The following CSF3R variants were observed in gnomAD, a reference collection of about 807,000 sequenced individuals.
The protein encoded by CSF3R is granulocyte colony-stimulating factor receptor.
In CSF3R, 52 loss-of-function variants were observed where a neutral mutation model predicts 84.4. The ratio of observed to expected loss-of-function variants is 0.62; its 90% CI spans 0.49 to 0.78. The LOEUF is 0.78. CSF3R is among the 30% of genes least tolerant of loss of function. The pLI is 0.00. For synonymous variants in CSF3R, 384 were observed against 429.1 expected (o/e 0.89, Z 1.30); for missense variants, 890 against 1,055.7 (o/e 0.84, Z 2.17).
In CSF3R at chr1:36,466,681, G is replaced by A. The variant is rs763256285; in HGVS notation, c.2187C>T (p.Leu729=). 6.2e-6 allele frequency: 10 copies of A among 1,614,086 alleles called. No individual in the cohort carries two copies. Among genetic ancestry groups the A allele is most frequent in the Non-Finnish European group, 7.6e-6 (9 of 1,180,032 alleles). The change falls in exon 17 of 17, where the codon CTC becomes CTT. Residue 729 remains leucine, a synonymous_variant. Coordinates refer to ENST00000373106, the MANE Select transcript of CSF3R (RefSeq NM_000760.4). The surrounding 1 kb of genome is among the most constrained non-coding windows in gnomAD (Gnocchi z 4.6). The part of the protein sequence containing the change: ...GLPTLVQTYV[L]QGDPRAVSTQ... ...TGGAAACTGCTCTTGGGTCCCCCTG[G>A]AGCACATAGGTCTGGACCAGAGTGG...
Position 36,467,491 on chromosome 1 carries a change from C to A in CSF3R, c.1958+67G>T. The A allele has an allele frequency of 6.6e-7, 1 of 1,518,118 alleles. No individual in the cohort carries two copies. The highest frequency in any genetic ancestry group is 9.1e-7 in the Non-Finnish European group (1 of 1,095,564). 94.0% of individuals were successfully genotyped at this position (1,518,118 alleles called of 1,614,324 possible). A position where few individuals can be genotyped will look rare whatever the true frequency, so the allele number is the denominator to read the frequency against. On this transcript the variant is annotated intron_variant, in intron 15 of 16. Transcript: ENST00000373106. The surrounding 1 kb of genome is among the most constrained non-coding windows in gnomAD (Gnocchi z 4.1). The stretch of plus-strand genomic sequence containing the variant: ...GAAGGCTGGAAGGGACTTAGATGGG[C>A]CCATCTGGACCTGAGGTTCCCTGTG...
chr1:36,469,354 C>T, intron 11 of CSF3R, 97 bp from the exon 12 acceptor site: 1 of 972,066 alleles, frequency 1.0e-6, no homozygotes, highest in South Asian at 1.3e-5. Flanking sequence ...CTAACCTGGC[C>T]TCATGATTCA....
rs773649621 is a variant in CSF3R at position 36,473,761 on chromosome 1, C to A, written c.485+3G>T. On this transcript the variant is annotated splice_donor_region_variant and intron_variant, in intron 5 of 16. Coordinates refer to ENST00000373106, the MANE Select transcript of CSF3R (RefSeq NM_000760.4). ...GGGGACCAAGGTGGGGGCCCCTCCT[C>A]ACTTGAAACTCTTCAGAGTGAAGCT... 3 of 1,614,130 alleles carry A rather than the reference C, an allele frequency of 1.9e-6. No individual in the cohort carries two copies. Among genetic ancestry groups the A allele is most frequent in the Non-Finnish European group, 2.5e-6 (3 of 1,180,046 alleles).
chr1:36,479,402 C>G (rs1651379379), intron 3 of CSF3R, 31 bp downstream of exon 3: 2 of 1,608,932 alleles, frequency 1.2e-6, no homozygotes, highest in South Asian at 2.2e-5. Flanking sequence ...CTTCCCCTCC[C>G]CACTGCACCC....
At chr1:36,480,112 C>T (rs3917922) in intron 2 of CSF3R, 5,826 of 179,138 alleles carry the variant, frequency 0.033, 212 homozygotes, top group African/African-American at 0.097. Flanking sequence ...AAAGATTTAC[C>T]CACTGACTCC....
At chr1:36,478,795 G>T (rs562967372) in intron 3 of CSF3R, 184 of 175,944 alleles carry the variant, frequency 1.0e-3, no homozygotes, top group Non-Finnish European at 1.9e-3. Context: ...AGGCTGCAGT[G>T]AGCTGCGATT....
rs1346703696 is a variant in CSF3R, at chr1:36,472,170, G to A, written c.998-31C>T. ...GATGGAACAAGAAGAGGGGGTGCCA[G>A]TTGGGGAGGGGCCTGGGGCCTGGAC... On this transcript the variant is annotated intron_variant, in intron 8 of 16. Coordinates refer to ENST00000373106, the MANE Select transcript of CSF3R (RefSeq NM_000760.4). The surrounding 1 kb of genome is among the most constrained non-coding windows in gnomAD (Gnocchi z 5.0). 6.2e-7 allele frequency: 1 copy of A among 1,613,928 alleles called. No individual in the cohort carries two copies. The highest frequency in any genetic ancestry group is 1.3e-5 in the African/African-American group (1 of 74,918).
At chr1:36,468,893 T>C (rs1650520790) in intron 12 of CSF3R, 1 of 480,966 alleles carries the variant, frequency 2.1e-6, no homozygotes. Context: ...TATAACACCT[T>C]ATTTTTGTCT....
rs753846685 is a variant in CSF3R, at chr1:36,473,752, GCC to G, written c.485+10_485+11del. 1.9e-6 allele frequency: 3 copies of G among 1,614,226 alleles called. No individual in the cohort carries two copies. The African/African-American group carries it at 4.0e-5, about 22-fold the overall frequency. On this transcript the variant is annotated intron_variant, in intron 5 of 16. Transcript: ENST00000373106. Reference sequence around the variant, plus strand: ...CCAAAGGGAGGGGACCAAGGTGGGGGCCCCTCCTCACTTGAAACTCTTCAGAG... The same window carrying G: ...CCAAAGGGAGGGGACCAAGGTGGGGGCCTCCTCACTTGAAACTCTTCAGAG...
At chr1:36,479,551 T>C (rs113739875) in intron 2 of CSF3R, 35 bp from the exon 3 acceptor site, 1 of 1,507,354 alleles carries the variant, frequency 6.6e-7, no homozygotes, top group South Asian at 1.1e-5. Context: ...ACCATGGGCT[T>C]TGGAGTCAGA....
chr1:36,473,175 C>A, intron 6 of CSF3R: 1 of 554,432 alleles, frequency 1.8e-6, no homozygotes, highest in Non-Finnish European at 3.2e-6. Context: ...CAGTGCCTAA[C>A]ATGTAGTGGG....
rs1398924442 is a variant in CSF3R at position 36,475,204 on chromosome 1, G to A, written c.361+173C>T. On this transcript the variant is annotated intron_variant, in intron 4 of 16. Coordinates refer to ENST00000373106, the MANE Select transcript of CSF3R (RefSeq NM_000760.4). ...GTATTTTTAGTAGAGGCGGGGTTTC[G>A]CCTTGCTGGCCAGGCTGATCATGAA... 1.3e-5 allele frequency among the ~76,000 whole-genome samples: 2 copies of A among 151,922 alleles called. No individual in the cohort carries two copies. The highest frequency in any genetic ancestry group is 4.8e-5 in the African/African-American group (2 of 41,342).
Position 36,466,461 on chromosome 1 carries a change from G to A in CSF3R, c.2407C>T (p.Pro803Ser), listed in dbSNP as rs35622214. The A allele has an allele frequency of 2.8e-4, 450 of 1,612,292 alleles. 3 individuals carry two copies. The African/African-American group carries it at 5.4e-3, about 19-fold the overall frequency. The change falls in exon 17 of 17, where the codon CCA becomes TCA. Residue 803 changes from proline (P) to serine (S), a missense_variant. Physicochemically the swap from Pro to Ser is moderately conservative, Grantham distance 74. Transcript: ENST00000373106. This position sits in a 1 kb window ranked among gnomAD's most constrained non-coding sequence, Gnocchi z 4.6. The stretch of plus-strand genomic sequence containing the variant: ...CAGTCGTCCTCCTGGCTTGGGGCTG[G>A]GGTTACCAGGGTCCCCAAGGGGCTG... ...QASPLGTLVT[P>S]APSQEDDCVF...
At chr1:36,474,017 TC>T in intron 4 of CSF3R, 130 bp from the exon 5 acceptor site, 1 of 1,406,148 alleles carries the variant, frequency 7.1e-7, no homozygotes, top group Non-Finnish European at 1.0e-6. Context: ...TCCCCCTGTC[TC>T]CAGGCAGAGT....
rs1557587319 is a variant in CSF3R at position 36,467,672 on chromosome 1, G to A, written c.1865-21C>T. The A allele has an allele frequency of 6.2e-7, 1 of 1,613,766 alleles. No homozygotes were observed. Among genetic ancestry groups the A allele is most frequent in the South Asian group, 1.1e-5 (1 of 91,066 alleles). On this transcript the variant is annotated intron_variant, in intron 14 of 16. Coordinates refer to ENST00000373106, the MANE Select transcript of CSF3R (RefSeq NM_000760.4). The surrounding 1 kb of genome is among the most constrained non-coding windows in gnomAD (Gnocchi z 4.1). ...CCCCTCTGCAGTGAGGGCAGGGCCG[G>A]AAGAAGTTAGAATGCATGTTGGGAA...
chr1:36,475,768 C>G (rs983837306), intron 3 of CSF3R, 95 bp from the exon 4 acceptor site: 13 of 1,249,584 alleles, frequency 1.0e-5, no homozygotes, highest in African/African-American at 1.5e-5. Flanking sequence ...AGAGGCCTCA[C>G]CTTCCTGTCT....
chr1:36,479,624 C>G, intron 2 of CSF3R, 108 bp from the exon 3 acceptor site: 1 of 853,280 alleles, frequency 1.2e-6, no homozygotes, highest in Middle Eastern at 2.2e-4. Flanking sequence ...TTCTCTGAGC[C>G]TTCGTTTCTT....
intron 3 of CSF3R, chr1:36,477,461 CCA>C (rs1651223125): frequency 6.6e-6 from 1 of 151,738 alleles, no homozygotes; most frequent in African/African-American, 2.4e-5. Flanking sequence ...TGGGTTTTCA[CCA>C]TGCTGGCAGG....
intron 1 of CSF3R, among the ~76,000 whole-genome samples, 198 bp downstream of exon 1, chr1:36,482,613 G>A (rs1403001662): frequency 6.6e-6 from 1 of 152,104 alleles, no homozygotes; most frequent in African/African-American, 2.4e-5. Context: ...GACTTCCCTG[G>A]TGCAATACCC....
Sources: allele counts gnomAD v4.1 joint callset (sites outside exome capture counted in the v4.1 genomes callset), GRCh38; gene constraint gnomAD v4.1.1; non-coding constraint Gnocchi (gnomAD v3.1); transcripts MANE v1.5; gene names NCBI Gene and HGNC (gene_info 2026-07-23, HGNC 2026-07-21).